Variants in QARS1 observed in about 807,000 individuals in gnomAD.
QARS1 encodes the protein glutaminyl-tRNA synthetase 1, also known as glutamine--tRNA ligase.
Under a neutral mutation model 106.9 loss-of-function variants are expected in QARS1, and 79 were observed. That is an observed-to-expected ratio of 0.74 (90% confidence interval 0.62 to 0.89). The LOEUF (loss-of-function observed/expected upper bound fraction) is 0.89, where lower values mean the gene tolerates loss of function less well. Ranked by LOEUF, QARS1 falls within the 40% of genes least tolerant of loss-of-function variation. The pLI is 0.00. For missense variants in QARS1, 966 were observed against 997.2 expected (o/e 0.97, Z 0.42); for synonymous variants, 395 against 367.7 (o/e 1.07, Z -0.85).
At chr3:49,096,992 G>GAAAAA (rs113207346) in intron 23 of QARS1, 1 of 84,072 alleles carries the variant, frequency 1.2e-5, no homozygotes, top group Non-Finnish European at 2.5e-5. Flanking sequence ...TTCAAAAAAA[G>GAAAAA]AAAAAAAAAA....
chr3:49,104,371 A>G lies in QARS1; in HGVS notation c.218T>C (p.Val73Ala). The change falls in exon 2 of 24, where the codon GTA becomes GCA. Residue 73 changes from valine (V) to alanine (A), a missense_variant. Coordinates refer to ENST00000306125, the MANE Select transcript of QARS1 (RefSeq NM_005051.3). ...GATCTTCTTACTGGCTATGTAGCTT[A>G]CAAGGAAGGAGAGACGCCGGGTATC... is the stretch of plus-strand genomic sequence containing the variant. The part of the protein sequence containing the change: ...LRDTRRLSFL[V>A]SYIASKKIHT... The G allele has an allele frequency of 6.2e-7, 1 of 1,614,234 alleles. No homozygotes were observed. Among genetic ancestry groups the G allele is most frequent in the Non-Finnish European group, 8.5e-7 (1 of 1,180,036 alleles).
chr3:49,097,537 C>A (rs892254968), intron 23 of QARS1, among the ~76,000 whole-genome samples: 1 of 150,258 alleles, frequency 6.7e-6, no homozygotes, highest in African/African-American at 2.4e-5. Flanking sequence ...TGGCTCATGA[C>A]TGTGATCCCA....
In QARS1 at chr3:49,098,275, G is replaced by A; in HGVS notation, c.2085-17C>T. ...TGCTGGAATCTGCAGCCAAAGTGAA[G>A]GTCATACCCCCAGCTGGGCAGCCAT... On this transcript the variant is annotated splice_polypyrimidine_tract_variant and intron_variant, in intron 21 of 23. Transcript: ENST00000306125. 3 of 1,614,178 alleles carry A rather than the reference G, an allele frequency of 1.9e-6. No homozygotes were observed. Among genetic ancestry groups the A allele is most frequent in the Non-Finnish European group, 1.7e-6 (2 of 1,180,032 alleles).
chr3:49,103,470 TC>T, intron 4 of QARS1, 61 bp from the exon 5 acceptor site: 1 of 1,605,514 alleles, frequency 6.2e-7, no homozygotes. Flanking sequence ...CCCACCTCTT[TC>T]CCAAGGAAAG....
rs2042443106 is a variant in QARS1, at chr3:49,099,788, G to A, written c.1361C>T (p.Ser454Leu). The A allele has an allele frequency of 3.7e-6, 6 of 1,613,926 alleles. No homozygotes were observed. The highest frequency in any genetic ancestry group is 1.1e-5 in the South Asian group (1 of 91,090). ...LCDSIEHITH[S>L]LCTKEFQARR... Reference sequence around the variant, plus strand: ...GGCCTGGAATTCCTTGGTGCAGAGTGAGTGAGTGATGTGCTCGATGGAGTC... The same window carrying A: ...GGCCTGGAATTCCTTGGTGCAGAGTAAGTGAGTGATGTGCTCGATGGAGTC... Residue 454 changes from serine (S) to leucine (L), a missense_variant, in exon 15 of 24, where the codon TCA becomes TTA. Ser to Leu is a moderately radical substitution (Grantham distance 145). Transcript: ENST00000306125.
chr3:49,097,894 TGA>T, intron 23 of QARS1, 96 bp downstream of exon 23: 1 of 1,502,290 alleles, frequency 6.7e-7, no homozygotes, highest in Middle Eastern at 1.9e-4. Context: ...CCTCAGGTGG[TGA>T]GGATTAACTA....
chr3:49,102,217 C>A lies in QARS1; in HGVS notation c.619G>T (p.Val207Leu), dbSNP rs1431303110. Reference sequence around the variant, plus strand: ...TCAAGCTTCTCACCATTCTCCACCACATCCTTTGCCGTCCTCCGGTCTGTT... The same window carrying A: ...TCAAGCTTCTCACCATTCTCCACCAAATCCTTTGCCGTCCTCCGGTCTGTT... ...EETDRRTAKD[V>L]VENGETADQT... The change falls in exon 7 of 24, where the codon GTG becomes TTG. Residue 207 changes from valine (V) to leucine (L), a missense_variant. Physicochemically the swap from Val to Leu is conservative, Grantham distance 32 (BLOSUM62 1). Transcript: ENST00000306125. The A allele has an allele frequency of 6.2e-7, 1 of 1,614,254 alleles. No individual in the cohort carries two copies. Among genetic ancestry groups the A allele is most frequent in the South Asian group, 1.1e-5 (1 of 91,090 alleles).
Position 49,100,088 on chromosome 3 carries a change from T to C in QARS1, c.1168A>G (p.Met390Val). 6.2e-7 allele frequency: 1 copy of C among 1,614,238 alleles called. No homozygotes were observed. Among genetic ancestry groups the C allele is most frequent in the Non-Finnish European group, 8.5e-7 (1 of 1,180,034 alleles). ...CCCTCTGAAAACTTGCCCTTGCGCA[T>C]TGCCTGAGGGGAACAAGGACTCAGG... ...MEESLLLFEA[M>V]RKGKFSEGEA... is the part of the protein sequence containing the mutation. The change falls in exon 14 of 24, where the codon ATG (methionine) becomes GTG (valine). Residue 390 changes from methionine (M) to valine (V), a missense_variant. By Grantham distance (21) the Met-to-Val change is conservative (BLOSUM62 1). Coordinates refer to ENST00000306125, the MANE Select transcript of QARS1 (RefSeq NM_005051.3).
intron 10 of QARS1, among the ~76,000 whole-genome samples, chr3:49,101,153 C>CTTTT (rs2042465563): frequency 6.6e-6 from 1 of 152,248 alleles, no homozygotes; most frequent in South Asian, 2.1e-4. Flanking sequence ...TTTGAACTCA[C>CTTTT]TGACTCCTCA....
At chr3:49,096,492 C>T (rs1212918489) in intron 23 of QARS1, among the ~76,000 whole-genome samples, 3 of 151,756 alleles carry the variant, frequency 2.0e-5, no homozygotes, top group East Asian at 2.0e-4. Context: ...GGCAAAACCC[C>T]GTCTCTACTA....
At chr3:49,096,595 C>T (rs930506299) in intron 23 of QARS1, among the ~76,000 whole-genome samples, 3 of 151,476 alleles carry the variant, frequency 2.0e-5, no homozygotes, top group Non-Finnish European at 4.4e-5. Flanking sequence ...ATCAGGAGAT[C>T]GAGACCATCC....
chr3:49,098,563 C>A (rs768876281), intron 20 of QARS1, 37 bp downstream of exon 20: 48 of 1,608,636 alleles, frequency 3.0e-5, no homozygotes, highest in Non-Finnish European at 4.1e-5. Context: ...TTGGCCCCAG[C>A]AGGCACTGCA....
chr3:49,101,567 C>A, intron 9 of QARS1, 53 bp downstream of exon 9: 3 of 1,601,862 alleles, frequency 1.9e-6, no homozygotes, highest in Non-Finnish European at 2.6e-6. Context: ...GCAGCCCAGG[C>A]ACTCAGGCAG....
Position 49,103,703 on chromosome 3 carries a change from C to T in QARS1, c.379G>A (p.Glu127Lys). The T allele has an allele frequency of 6.2e-7, 1 of 1,613,558 alleles. No homozygotes were observed. The highest frequency in any genetic ancestry group is 8.5e-7 in the Non-Finnish European group (1 of 1,179,752). The change falls in exon 4 of 24, where the codon GAG becomes AAG. Residue 127 changes from glutamate (E) to lysine (K), a missense_variant. Glu to Lys is a moderately conservative substitution (Grantham distance 56). Coordinates refer to ENST00000306125, the MANE Select transcript of QARS1 (RefSeq NM_005051.3). ...VTPEQIEEAV[E>K]AAINRHRPQL... The stretch of plus-strand genomic sequence containing the variant: ...GGCCGGTGCCTGTTAATAGCAGCCT[C>T]CACCTGCAGAAAGCCAAACCATGTG...
chr3:49,103,112 C>A (rs955666160), intron 5 of QARS1, among the ~76,000 whole-genome samples: 1 of 152,164 alleles, frequency 6.6e-6, no homozygotes, highest in African/African-American at 2.4e-5. Context: ...TATACACCAC[C>A]ATGTCTGGCT....
intron 21 of QARS1, 44 bp from the exon 22 acceptor site, chr3:49,098,302 G>C: frequency 6.2e-7 from 1 of 1,614,200 alleles, no homozygotes; most frequent in Non-Finnish European, 8.5e-7. Context: ...GGCAGCCATA[G>C]CAGGCAATGT....
rs141983717 is a variant in QARS1, at chr3:49,103,922, C to T, written c.316G>A (p.Asp106Asn). The part of the protein sequence containing the change: ...SHPLDPIDTV[D>N]FERECGVGVI... ...CCCACGCCACATTCCCGCTCGAAGT[C>T]CACAGTGTCGATGGGGTCCAAGGGG... The change falls in exon 3 of 24, where the codon GAC becomes AAC. Residue 106 changes from aspartate (D) to asparagine (N), a missense_variant. Physicochemically the swap from Asp to Asn is conservative, Grantham distance 23. Transcript: ENST00000306125. 2.3e-4 allele frequency: 372 copies of T among 1,614,078 alleles called. 1 individual carries two copies. In the Middle Eastern group the frequency reaches 4.5e-3, roughly 19 times the overall value.
At chr3:49,096,660 A>C (rs1174111679) in intron 23 of QARS1, among the ~76,000 whole-genome samples, 2 of 151,410 alleles carry the variant, frequency 1.3e-5, no homozygotes, top group Non-Finnish European at 1.5e-5. Context: ...ATTAGCTGGG[A>C]GTGGTGGCGG....
chr3:49,103,581 A>G, intron 4 of QARS1, 50 bp downstream of exon 4: 1 of 1,593,944 alleles, frequency 6.3e-7, no homozygotes, highest in Non-Finnish European at 8.6e-7. Context: ...GCCCAGAAGA[A>G]AAGGCATGAC....
Sources: allele counts gnomAD v4.1 joint callset (sites outside exome capture counted in the v4.1 genomes callset), GRCh38; gene constraint gnomAD v4.1.1; transcripts MANE v1.5; gene names NCBI Gene and HGNC (gene_info 2026-07-23, HGNC 2026-07-21).